Variants in PALMD observed in about 807,000 individuals in gnomAD.
PALMD encodes the protein palmdelphin.
Under a neutral mutation model 56.2 loss-of-function variants are expected in PALMD, and 42 were observed. The observed-to-expected ratio is 0.75, with a 90% CI of 0.58 to 0.97. The LOEUF (loss-of-function observed/expected upper bound fraction) is 0.97, where lower values mean the gene tolerates loss of function less well. Ranked by LOEUF, PALMD falls within the 50% of genes least tolerant of loss-of-function variation. The probability of loss-of-function intolerance (pLI) is 0.00; values close to 1 mark genes in which losing one functional copy is unlikely to be tolerated. For synonymous variants in PALMD, 242 were observed against 222.9 expected, an observed-to-expected ratio of 1.09 and a Z score of -0.76; for missense variants, 660 against 643.8, an observed-to-expected ratio of 1.03 and a Z score of -0.27.
intron 1 of PALMD, among the ~76,000 whole-genome samples, chr1:99,658,478 A>T (rs1652775545): frequency 6.6e-6 from 1 of 151,352 alleles, no homozygotes; most frequent in Non-Finnish European, 1.5e-5. Flanking sequence ...AAAAATAAAA[A>T]TAAAAAATAT....
intron 3 of PALMD, among the ~76,000 whole-genome samples, chr1:99,670,577 T>A (rs1653061237): frequency 6.6e-6 from 1 of 152,080 alleles, no homozygotes; most frequent in Non-Finnish European, 1.5e-5. Context: ...CTAGAAATAG[T>A]AAAACACCTA....
At chr1:99,652,997 G>C (rs1395820871) in intron 1 of PALMD, among the ~76,000 whole-genome samples, 1 of 152,090 alleles carries the variant, frequency 6.6e-6, no homozygotes, top group Non-Finnish European at 1.5e-5. Context: ...TCATTTTTCA[G>C]AGCACCTAAT....
rs1226790564 is a variant in PALMD, at chr1:99,652,694, GGAAAA to G, written c.45+6377_45+6381del. On this transcript the variant is annotated intron_variant, in intron 1 of 7. Coordinates refer to ENST00000263174, the MANE Select transcript of PALMD (RefSeq NM_017734.5). ...GGAAAGGAAAGGAAAGGAAAGGAAA[GGAAAA>G]GAAAAGAAAAGAAAAGAAAAGAAAA... Among the ~76,000 whole-genome samples, 766 of 86,350 alleles carry G rather than the reference GGAAAA, an allele frequency of 8.9e-3. 2 individuals carry two copies. Among genetic ancestry groups the G allele is most frequent in the South Asian group, 0.028 (64 of 2,278 alleles). The allele number at this position is 86,350 out of a possible 152,430, so 56.6% of individuals were successfully genotyped here.
chr1:99,675,345 A>G (rs1370716843), intron 3 of PALMD, among the ~76,000 whole-genome samples: 1 of 152,208 alleles, frequency 6.6e-6, no homozygotes, highest in African/African-American at 2.4e-5. Context: ...TTATATAATT[A>G]CAAGTAGTTT....
intron 1 of PALMD, among the ~76,000 whole-genome samples, chr1:99,651,327 A>G (rs187091064): frequency 6.6e-6 from 1 of 152,336 alleles, no homozygotes; most frequent in East Asian, 1.9e-4. Flanking sequence ...CTGCTTTTTG[A>G]TAACTGGGGA....
chr1:99,684,829 T>C (rs1394467486), intron 3 of PALMD: 4 of 152,232 alleles, frequency 2.6e-5, no homozygotes, highest in African/African-American at 9.7e-5. Context: ...CACTGAGTCT[T>C]AGTGAGGTCA....
chr1:99,674,505 C>T (rs1211618787), intron 3 of PALMD, among the ~76,000 whole-genome samples: 1 of 152,038 alleles, frequency 6.6e-6, no homozygotes, highest in Non-Finnish European at 1.5e-5. Context: ...TCCCACCAGA[C>T]CTCACACTGC....
chr1:99,667,304 T>C (rs944590473), intron 2 of PALMD, among the ~76,000 whole-genome samples: 7 of 152,164 alleles, frequency 4.6e-5, no homozygotes, highest in Admixed American at 2.0e-4. Context: ...CCATTATGAC[T>C]GTGATAAACA....
chr1:99,654,614 T>C (rs935477403), intron 1 of PALMD, among the ~76,000 whole-genome samples: 2 of 152,212 alleles, frequency 1.3e-5, no homozygotes, highest in African/African-American at 2.4e-5. Context: ...ATCCACAATA[T>C]AAATTGTGGT....
At position 99,686,692 on chromosome 1, in the gene PALMD, C is replaced by T. The variant is rs755560159; in HGVS notation, c.268C>T (p.Gln90Ter). Reference sequence around the variant, plus strand: ...TGTTGTCAGGCTTGAGAAAGAGATCCAAGATCTTGAAAAAGCTGAACTGCA... The same window carrying T: ...TGTTGTCAGGCTTGAGAAAGAGATCTAAGATCTTGAAAAAGCTGAACTGCA... ...QSILRLEKEI[Q>*]DLEKAELQIS... is the part of the protein sequence containing the mutation. Residue 90 changes from glutamine to a stop codon, truncating the protein, a stop_gained, in exon 4 of 8, where the codon CAA becomes TAA. Transcript: ENST00000263174. LOFTEE classifies it high-confidence loss of function. The T allele has an allele frequency of 2.5e-5, 40 of 1,591,706 alleles. No individual in the cohort carries two copies. The highest frequency in any genetic ancestry group is 6.9e-6 in the Non-Finnish European group (8 of 1,163,220).
chr1:99,653,580 C>A (rs566326676), intron 1 of PALMD, among the ~76,000 whole-genome samples: 13 of 152,090 alleles, frequency 8.5e-5, no homozygotes, highest in Admixed American at 3.9e-4. Flanking sequence ...CCATGACTAA[C>A]TTAAGAATTA....
At chr1:99,683,019 GGA>G (rs1653382898) in intron 3 of PALMD, among the ~76,000 whole-genome samples, 1 of 48,398 alleles carries the variant, frequency 2.1e-5, no homozygotes, top group African/African-American at 1.1e-4. Flanking sequence ...AAAGAAAGAA[GGA>G]AAGAAAGAAA....
At chr1:99,683,085 AG>A (rs1393877116) in intron 3 of PALMD, among the ~76,000 whole-genome samples, 3 of 18,022 alleles carry the variant, frequency 1.7e-4, no homozygotes, top group African/African-American at 4.9e-4. Flanking sequence ...AGAGAGAGAG[AG>A]AGAGAAAGAA....
rs568568039 is a variant in PALMD, at chr1:99,660,679, T to C, written c.46-1640T>C. On this transcript the variant is annotated intron_variant, in intron 1 of 7. Transcript: ENST00000263174. ...AGAAATACTTACGAAATTTTAAAAGTAAGCTGATATAGCCTGAGTCACATA... is the reference window on the plus strand; with the variant it reads ...AGAAATACTTACGAAATTTTAAAAGCAAGCTGATATAGCCTGAGTCACATA... Among the ~76,000 whole-genome samples the C allele has an allele frequency of 3.9e-5, 6 of 152,130 alleles. No individual in the cohort carries two copies. In the South Asian group the frequency reaches 8.3e-4, roughly 21 times the overall value.
At chr1:99,651,442 A>C (rs926049600) in intron 1 of PALMD, among the ~76,000 whole-genome samples, 2 of 152,220 alleles carry the variant, frequency 1.3e-5, no homozygotes, top group African/African-American at 4.8e-5. Flanking sequence ...TTGAAAGGAA[A>C]AGCTGCTTCT....
chr1:99,674,847 G>T (rs905302349), intron 3 of PALMD, among the ~76,000 whole-genome samples: 1 of 152,210 alleles, frequency 6.6e-6, no homozygotes, highest in Non-Finnish European at 1.5e-5. Flanking sequence ...CCAAGCCTTG[G>T]TCATAAAGGA....
At chr1:99,672,151 C>T (rs980346343) in intron 3 of PALMD, among the ~76,000 whole-genome samples, 1 of 152,160 alleles carries the variant, frequency 6.6e-6, no homozygotes, top group Non-Finnish European at 1.5e-5. Context: ...TTCATCCTGT[C>T]GTTGTCTCCT....
chr1:99,677,825 A>G (rs1294616057), intron 3 of PALMD, among the ~76,000 whole-genome samples: 2 of 152,194 alleles, frequency 1.3e-5, no homozygotes, highest in Non-Finnish European at 2.9e-5. Context: ...CAGGTTGTCA[A>G]AAAAGACTAG....
At chr1:99,692,143 A>G (rs181641980) in intron 7 of PALMD, among the ~76,000 whole-genome samples, 1 of 152,238 alleles carries the variant, frequency 6.6e-6, no homozygotes, top group African/African-American at 2.4e-5. Context: ...TGCTACCCCT[A>G]CCAATCAGGG....
Sources: gnomAD v4.1 joint callset for allele counts (sites outside exome capture counted in the v4.1 genomes callset) on GRCh38, gnomAD v4.1.1 for gene constraint, MANE v1.5 for transcripts, NCBI Gene and HGNC (gene_info 2026-07-23, HGNC 2026-07-21) for gene names.